Variants in PSMA7 observed in about 807,000 individuals in gnomAD.
The protein encoded by PSMA7 is proteasome 20S subunit alpha 7.
Under a neutral mutation model 31.3 loss-of-function variants are expected in PSMA7, and 5 were observed. The ratio of observed to expected loss-of-function variants is 0.16; its 90% CI spans 0.08 to 0.34. PSMA7 has a LOEUF of 0.34. Among genes scored for constraint, PSMA7 ranks in the 10% least tolerant of loss-of-function variants. PSMA7 has a pLI of 1.00. For missense variants in PSMA7, 217 were observed against 327.5 expected, an observed-to-expected ratio of 0.66 and a Z score of 2.60; for synonymous variants, 155 against 121.9, an observed-to-expected ratio of 1.27 and a Z score of -1.79.
intron 2 of PSMA7, 69 bp from the exon 3 acceptor site, chr20:62,139,974 G>A (rs1246634580): frequency 1.3e-6 from 2 of 1,555,340 alleles, no homozygotes; most frequent in African/African-American, 1.4e-5. Flanking sequence ...CAGACACGAT[G>A]ACCCAGCATT....
rs1293366646 is a variant in PSMA7 at position 62,139,646 on chromosome 20, C to G, written c.348+135G>C. On this transcript the variant is annotated intron_variant, in intron 3 of 6. Transcript: ENST00000370873. Reference sequence around the variant, plus strand: ...TGAGCTAGGTCAAGTTACACTTGTGCAAGTCAAGATTAGGATCACGCCCCA... The same window carrying G: ...TGAGCTAGGTCAAGTTACACTTGTGGAAGTCAAGATTAGGATCACGCCCCA... The G allele has an allele frequency of 2.1e-6, 3 of 1,437,700 alleles. No individual in the cohort carries two copies. In the African/African-American group the frequency reaches 4.2e-5, roughly 20 times the overall value. The allele number at this position is 1,437,700 out of a possible 1,614,324, so 89.1% of individuals were successfully genotyped here.
chr20:62,137,053 GCCTCTTTGGAGAGGAA>G, intron 6 of PSMA7, 104 bp from the exon 7 acceptor site: 1 of 1,462,682 alleles, frequency 6.8e-7, no homozygotes, highest in East Asian at 2.3e-5. Flanking sequence ...TGCTCATACA[GCCTCTTTGGAGAGGAA>G]CCTCAAGAAA....
intron 2 of PSMA7, among the ~76,000 whole-genome samples, chr20:62,140,127 C>T (rs1029748627): frequency 2.6e-5 from 4 of 152,104 alleles, no homozygotes; most frequent in South Asian, 4.1e-4. Flanking sequence ...CTAAACTCAT[C>T]GTAAGTCAAA....
chr20:62,138,022 A>G, intron 5 of PSMA7, 149 bp downstream of exon 5: 1 of 1,055,964 alleles, frequency 9.5e-7, no homozygotes, highest in Non-Finnish European at 1.4e-6. Flanking sequence ...GTTAGGATAC[A>G]CCATAGACCA....
Position 62,143,392 on chromosome 20 carries a change from T to A in PSMA7, c.-89A>T. The stretch of plus-strand genomic sequence containing the variant: ...GCGCACCCGCGACTCCCGGCGCCAC[T>A]ACGCCCGCGCCCCACCCTCGGCGCC... On this transcript the variant is annotated 5_prime_UTR_variant, in exon 1 of 7. Transcript: ENST00000370873. 1.5e-6 allele frequency: 1 copy of A among 683,460 alleles called. No individual in the cohort carries two copies. Among genetic ancestry groups the A allele is most frequent in the Non-Finnish European group, 1.9e-6 (1 of 512,978 alleles). 42.3% of individuals were successfully genotyped at this position (683,460 alleles called of 1,614,324 possible).
At chr20:62,139,258 C>T (rs2056913039) in intron 3 of PSMA7, 61 bp from the exon 4 acceptor site, 3 of 1,578,554 alleles carry the variant, frequency 1.9e-6, no homozygotes, top group Admixed American at 1.8e-5. Flanking sequence ...GAGGAAAGAA[C>T]CGTACTTAGT....
chr20:62,141,098 G>A (rs1568726914), intron 1 of PSMA7, among the ~76,000 whole-genome samples, 154 bp from the exon 2 acceptor site: 1 of 152,162 alleles, frequency 6.6e-6, no homozygotes, highest in African/African-American at 2.4e-5. Flanking sequence ...GGAAAACCCT[G>A]TCTCTACAAA....
At chr20:62,139,565 G>C (rs535244014) in intron 3 of PSMA7, 2 of 806,668 alleles carry the variant, frequency 2.5e-6, no homozygotes, top group East Asian at 2.7e-5. Flanking sequence ...CCAGACACAG[G>C]AATTTGGAAT....
Position 62,140,708 on chromosome 20 carries a change from T to G in PSMA7, c.223+110A>C. On this transcript the variant is annotated intron_variant, in intron 2 of 6. Coordinates refer to ENST00000370873, the MANE Select transcript of PSMA7 (RefSeq NM_002792.4). The stretch of plus-strand genomic sequence containing the variant: ...TCCAATTCTTTTAAATGATTTTCAT[T>G]TACTCAGTTTATATGGCTCACAATA... 6 of 1,311,490 alleles carry G rather than the reference T, an allele frequency of 4.6e-6. No homozygotes were observed. The South Asian group carries it at 9.6e-5, about 21-fold the overall frequency. The allele number at this position is 1,311,490 out of a possible 1,614,324, so 81.2% of individuals were successfully genotyped here. A position where few individuals can be genotyped will look rare whatever the true frequency, so the allele number is the denominator to read the frequency against.
intron 4 of PSMA7, among the ~76,000 whole-genome samples, chr20:62,138,855 C>T (rs2056910580): frequency 6.6e-6 from 1 of 152,268 alleles, no homozygotes; most frequent in Middle Eastern, 3.4e-3. Flanking sequence ...ACCACGCCCA[C>T]CCAAGAATTT....
intron 1 of PSMA7, among the ~76,000 whole-genome samples, chr20:62,141,305 C>A (rs1336808113): frequency 6.6e-6 from 1 of 152,166 alleles, no homozygotes; most frequent in African/African-American, 2.4e-5. Context: ...TACTGCCAGG[C>A]AGCGAGCAGT....
At chr20:62,140,345 C>T (rs2056920047) in intron 2 of PSMA7, among the ~76,000 whole-genome samples, 1 of 152,198 alleles carries the variant, frequency 6.6e-6, no homozygotes, top group Admixed American at 6.5e-5. Flanking sequence ...AATTTCATTA[C>T]ATGAATTGAG....
intron 1 of PSMA7, among the ~76,000 whole-genome samples, chr20:62,141,671 C>A (rs1000945494): frequency 6.6e-6 from 1 of 152,250 alleles, no homozygotes; most frequent in Non-Finnish European, 1.5e-5. Context: ...GGCAGTGTTT[C>A]TGTAGTTGTG....
At chr20:62,142,895 G>A (rs941435971) in intron 1 of PSMA7, among the ~76,000 whole-genome samples, 1 of 150,708 alleles carries the variant, frequency 6.6e-6, no homozygotes, top group Non-Finnish European at 1.5e-5. Flanking sequence ...CCACGCGCCC[G>A]GCCGGGGCCA....
At position 62,140,854 on chromosome 20, in the gene PSMA7, A is replaced by G; in HGVS notation, c.187T>C (p.Cys63Arg). 6.2e-7 allele frequency: 1 copy of G among 1,614,246 alleles called. No individual in the cohort carries two copies. Reference sequence around the variant, plus strand: ...ATGCAGACGTTGTCATCCAAAGCACAGATCTTCCGCACTGTTCTTTCATCC... The same window carrying G: ...ATGCAGACGTTGTCATCCAAAGCACGGATCTTCCGCACTGTTCTTTCATCC... ...LQDERTVRKI[C>R]ALDDNVCMAF... Residue 63 changes from cysteine to arginine, a missense_variant, in exon 2 of 7, where the codon TGT (cysteine) becomes CGT (arginine). Transcript: ENST00000370873.
intron 5 of PSMA7, among the ~76,000 whole-genome samples, chr20:62,137,674 G>A (rs1274291943): frequency 2.0e-5 from 3 of 152,184 alleles, no homozygotes; most frequent in Non-Finnish European, 2.9e-5. Context: ...CGCTGCTCCA[G>A]GCCCTCCTCT....
chr20:62,139,553 C>A, intron 3 of PSMA7: 1 of 792,070 alleles, frequency 1.3e-6, no homozygotes, highest in Non-Finnish European at 2.0e-6. Flanking sequence ...TATCATTTCC[C>A]TCCAGACACA....
chr20:62,141,897 T>C (rs1229619594), intron 1 of PSMA7, among the ~76,000 whole-genome samples: 4 of 152,198 alleles, frequency 2.6e-5, no homozygotes, highest in Admixed American at 6.5e-5. Flanking sequence ...GGAACCATCA[T>C]TGGGATAAAC....
intron 4 of PSMA7, 87 bp downstream of exon 4, chr20:62,138,988 G>A: frequency 1.3e-6 from 2 of 1,506,386 alleles, no homozygotes; most frequent in East Asian, 2.3e-5. Flanking sequence ...CACTGATACA[G>A]GGCCTACAGC....
Sources: allele counts gnomAD v4.1 joint callset (sites outside exome capture counted in the v4.1 genomes callset), GRCh38; gene constraint gnomAD v4.1.1; transcripts MANE v1.5; gene names NCBI Gene and HGNC (gene_info 2026-07-23, HGNC 2026-07-21).